TMEM14B: variants seen among roughly 807,000 people sequenced by gnomAD.
The protein encoded by TMEM14B is transmembrane protein 14B.
Under a neutral mutation model 14.8 loss-of-function variants are expected in TMEM14B, and 9 were observed. The observed-to-expected ratio is 0.61, with a 90% CI of 0.37 to 1.06. The LOEUF is 1.06. TMEM14B is among the 50% of genes least tolerant of loss of function. The probability of loss-of-function intolerance (pLI) is 0.01; values close to 1 mark genes in which losing one functional copy is unlikely to be tolerated. For synonymous variants in TMEM14B, 40 were observed against 51.3 expected, an observed-to-expected ratio of 0.78 and a Z score of 0.94; for missense variants, 128 against 143.6, an observed-to-expected ratio of 0.89 and a Z score of 0.56.
intron 1 of TMEM14B, among the ~76,000 whole-genome samples, chr6:10,748,886 G>A (rs964925967): frequency 3.3e-5 from 5 of 152,230 alleles, no homozygotes; most frequent in African/African-American, 1.2e-4. Flanking sequence ...CCGATTTAGT[G>A]ATAATGTGAG....
rs553522604 is a variant in TMEM14B, at chr6:10,749,561, A to G, written c.24-61A>G. ...CCTTTTAGCCCCATCCTATGACAATATGGTTTGTTTTTAAATCCAGGTTAG... is the reference window on the plus strand; with the variant it reads ...CCTTTTAGCCCCATCCTATGACAATGTGGTTTGTTTTTAAATCCAGGTTAG... On this transcript the variant is annotated intron_variant, in intron 2 of 5. Coordinates refer to ENST00000379542, the MANE Select transcript of TMEM14B (RefSeq NM_030969.5). 182 of 1,573,030 alleles carry G rather than the reference A, an allele frequency of 1.2e-4. 2 individuals are homozygous for G. The South Asian group carries it at 1.9e-3, about 16-fold the overall frequency.
chr6:10,751,249 G>C lies in TMEM14B; in HGVS notation c.202+15G>C, dbSNP rs1771551728. On this transcript the variant is annotated intron_variant, in intron 4 of 5. Transcript: ENST00000379542. ...GGGTTTCCTAGGTATGTCTGCTTCA[G>C]CGTCTCCTTAGGGCAATCATGTATC... is the stretch of plus-strand genomic sequence containing the variant. 6.2e-7 allele frequency: 1 copy of C among 1,613,276 alleles called. No homozygotes were observed. Among genetic ancestry groups the C allele is most frequent in the African/African-American group, 1.3e-5 (1 of 74,702 alleles).
At chr6:10,748,565 C>T (rs1771422437) in intron 1 of TMEM14B, among the ~76,000 whole-genome samples, 1 of 152,168 alleles carries the variant, frequency 6.6e-6, no homozygotes, top group African/African-American at 2.4e-5. Context: ...ATTCTTTAAA[C>T]AGAATAAACG....
chr6:10,755,073 C>T (rs1311749987), intron 4 of TMEM14B, 69 bp from the exon 5 acceptor site: 2 of 1,522,434 alleles, frequency 1.3e-6, no homozygotes, highest in East Asian at 4.5e-5. Context: ...ATTGGTGGGG[C>T]TTGGTCTACT....
chr6:10,749,810 C>T (rs1771478732), intron 3 of TMEM14B, 112 bp downstream of exon 3: 2 of 1,303,336 alleles, frequency 1.5e-6, no homozygotes, highest in African/African-American at 1.5e-5. Context: ...GCTGTAGGTC[C>T]CCAAGCTGGA....
At chr6:10,749,744 C>G (rs1249408089) in intron 3 of TMEM14B, 46 bp downstream of exon 3, 2 of 1,605,002 alleles carry the variant, frequency 1.2e-6, no homozygotes, top group East Asian at 2.2e-5. Flanking sequence ...TCACGTTGTT[C>G]CAGTGAAATG....
At position 10,751,234 on chromosome 6, in the gene TMEM14B, G is replaced by C; in HGVS notation, c.202G>C (p.Ala68Pro). ...TCCAAGGAACGTTTGGGGTTTCCTA[G>C]GTATGTCTGCTTCAGCGTCTCCTTA... ...QDPRNVWGFL[A>P]ATSVTFVGVM... Residue 68 changes from alanine to proline, a missense_variant and splice_region_variant, in exon 4 of 6, where the codon GCC (alanine) becomes CCC (proline). By Grantham distance (27) the Ala-to-Pro change is conservative. Coordinates refer to ENST00000379542, the MANE Select transcript of TMEM14B (RefSeq NM_030969.5). 1 of 1,613,700 alleles carries C rather than the reference G, an allele frequency of 6.2e-7. No homozygotes were observed. The highest frequency in any genetic ancestry group is 8.5e-7 in the Non-Finnish European group (1 of 1,179,884).
In TMEM14B at chr6:10,756,639, A is replaced by G; in HGVS notation, c.*121A>G. 2 of 1,440,504 alleles carry G rather than the reference A, an allele frequency of 1.4e-6. No individual in the cohort carries two copies. Among genetic ancestry groups the G allele is most frequent in the Non-Finnish European group, 1.8e-6 (2 of 1,097,242 alleles). 89.2% of individuals were successfully genotyped at this position (1,440,504 alleles called of 1,614,324 possible). ...CATCTGACATTTTACCTAAAAAAAAAAAGACACCAAATTTGGCGGAGGGGT... is the reference window on the plus strand; with the variant it reads ...CATCTGACATTTTACCTAAAAAAAAGAAGACACCAAATTTGGCGGAGGGGT... On this transcript the variant is annotated 3_prime_UTR_variant, in exon 6 of 6. Transcript: ENST00000379542.
intron 2 of TMEM14B, 36 bp downstream of exon 2, chr6:10,749,304 A>C (rs751075769): frequency 3.1e-6 from 5 of 1,613,204 alleles, no homozygotes; most frequent in Non-Finnish European, 4.2e-6. Flanking sequence ...AGTAGCCAGG[A>C]GCTTCTGGAA....
chr6:10,756,443 TTCTA>T lies in TMEM14B; in HGVS notation c.294-20_294-17del. On this transcript the variant is annotated intron_variant, in intron 5 of 5. Transcript: ENST00000379542. ...CCTGTTCTATCCTTTACCTGATGTT[TTCTA>T]TCTTACTTGTTTTAAACAGTTTGCT... 1.2e-6 allele frequency: 2 copies of T among 1,613,234 alleles called. No individual in the cohort carries two copies. Among genetic ancestry groups the T allele is most frequent in the Non-Finnish European group, 1.7e-6 (2 of 1,179,610 alleles).
Position 10,756,507 on chromosome 6 carries a change from A to T in TMEM14B, c.334A>T (p.Thr112Ser), listed in dbSNP as rs1466928863. 2 of 1,613,680 alleles carry T rather than the reference A, an allele frequency of 1.2e-6. No homozygotes were observed. Among genetic ancestry groups the T allele is most frequent in the Non-Finnish European group, 1.7e-6 (2 of 1,179,890 alleles). The change falls in exon 6 of 6, where the codon ACA becomes TCA. Residue 112 changes from threonine to serine, a missense_variant. Coordinates refer to ENST00000379542, the MANE Select transcript of TMEM14B (RefSeq NM_030969.5). ...CAAAGTTGGAGTTCGTATGTTGATGACATCTGATTAGCAGAAGTCATGTTC... is the reference window on the plus strand; with the variant it reads ...CAAAGTTGGAGTTCGTATGTTGATGTCATCTGATTAGCAGAAGTCATGTTC... ...AAKVGVRMLM[T>S]SD
At chr6:10,748,526 TACAGGCGTGAGCC>T (rs1771419758) in intron 1 of TMEM14B, among the ~76,000 whole-genome samples, 1 of 152,346 alleles carries the variant, frequency 6.6e-6, no homozygotes, top group East Asian at 1.9e-4. Context: ...GTACTGGGAT[TACAGGCGTGAGCC>T]ACTTTGCCTG....
intron 4 of TMEM14B, among the ~76,000 whole-genome samples, chr6:10,754,110 T>G (rs1180667951): frequency 6.6e-6 from 1 of 152,110 alleles, no homozygotes; most frequent in Non-Finnish European, 1.5e-5. Context: ...CGGTCTCCAC[T>G]AAAATTAAAA....
chr6:10,755,106 CT>C, intron 4 of TMEM14B, 35 bp from the exon 5 acceptor site: 1 of 1,609,630 alleles, frequency 6.2e-7, no homozygotes, highest in Non-Finnish European at 8.5e-7. Context: ...GCGTAGAAGA[CT>C]AATGAGTTTT....
At position 10,751,131 on chromosome 6, in the gene TMEM14B, A is replaced by T. The variant is rs143628480; in HGVS notation, c.101-2A>T. On this transcript the variant is annotated splice_acceptor_variant, in intron 3 of 5. Transcript: ENST00000379542. LOFTEE classifies it high-confidence loss of function. ...ATGCAAGCTGCGTTTGCTTCCTTCT[A>T]GGCAGCGTGCCGTCCCTGGCTGCAG... 6.2e-7 allele frequency: 1 copy of T among 1,613,408 alleles called. No homozygotes were observed. The highest frequency in any genetic ancestry group is 1.3e-5 in the African/African-American group (1 of 74,742).
At chr6:10,748,641 G>C (rs1276423554) in intron 1 of TMEM14B, among the ~76,000 whole-genome samples, 2 of 152,170 alleles carry the variant, frequency 1.3e-5, no homozygotes, top group Non-Finnish European at 2.9e-5. Context: ...TAAGAAAATA[G>C]GAGCTGTTTT....
In TMEM14B at chr6:10,748,420, G is replaced by A. The variant is rs879616560; in HGVS notation, c.-45+539G>A. On this transcript the variant is annotated intron_variant, in intron 1 of 5. Coordinates refer to ENST00000379542, the MANE Select transcript of TMEM14B (RefSeq NM_030969.5). The stretch of plus-strand genomic sequence containing the variant: ...GCCATCATGCCCGATTTGTGTGTGT[G>A]TGTGTGTGTTTTAATAGAATATGGG... 3.1e-3 allele frequency among the ~76,000 whole-genome samples: 477 copies of A among 151,692 alleles called. 2 individuals carry two copies. Among genetic ancestry groups the A allele is most frequent in the Non-Finnish European group, 5.8e-3 (396 of 67,972 alleles).
intron 3 of TMEM14B, among the ~76,000 whole-genome samples, chr6:10,750,688 T>C (rs1049190299): frequency 6.6e-6 from 1 of 151,882 alleles, no homozygotes; most frequent in Non-Finnish European, 1.5e-5. Flanking sequence ...ACAAGTTAAG[T>C]CCTTGAGGAC....
At chr6:10,754,577 CT>C (rs1201976628) in intron 4 of TMEM14B, among the ~76,000 whole-genome samples, 3 of 152,220 alleles carry the variant, frequency 2.0e-5, no homozygotes, top group South Asian at 2.1e-4. Flanking sequence ...GTTGATCCCC[CT>C]GTTGAGCTTT....
Sources: gnomAD v4.1 joint callset for allele counts (sites outside exome capture counted in the v4.1 genomes callset) on GRCh38, gnomAD v4.1.1 for gene constraint, MANE v1.5 for transcripts, NCBI Gene and HGNC (gene_info 2026-07-23, HGNC 2026-07-21) for gene names.